Variants in NRXN3 observed in about 807,000 individuals in gnomAD.
The protein encoded by NRXN3 is neurexin 3, also known as neurexin III.
In NRXN3, 32 loss-of-function variants were observed where a neutral mutation model predicts 137.6. The observed-to-expected ratio is 0.23, with a 90% confidence interval of 0.18 to 0.31. NRXN3 has a LOEUF of 0.31. Ranked by LOEUF, NRXN3 falls within the 10% of genes least tolerant of loss-of-function variation. The pLI is 1.00. For synonymous variants in NRXN3, 798 were observed against 784.5 expected (o/e 1.02, Z -0.29); for missense variants, 1,574 against 2,062.5 (o/e 0.76, Z 4.59).
chr14:79,013,052 G>A (rs2099573730), intron 15 of NRXN3, among the ~76,000 whole-genome samples: 1 of 152,164 alleles, frequency 6.6e-6, no homozygotes, highest in South Asian at 2.1e-4. Flanking sequence ...TGGTGTATGT[G>A]TATGTATGAA....
chr14:79,710,226 AACTTATGCAAATTATATCCCTGACC>A (rs1163850691), intron 19 of NRXN3, among the ~76,000 whole-genome samples: 5 of 152,124 alleles, frequency 3.3e-5, no homozygotes, highest in African/African-American at 1.2e-4. Flanking sequence ...AATATGATAT[AACTTATGCAAATTATATCCCTGACC>A]ACTTATGCAA....
chr14:79,781,572 A>G (rs1380674590), intron 19 of NRXN3, among the ~76,000 whole-genome samples: 2 of 152,210 alleles, frequency 1.3e-5, no homozygotes, highest in Non-Finnish European at 2.9e-5. Flanking sequence ...CTACTGTCTT[A>G]TAACATTCTG....
chr14:78,347,523 A>G (rs867908588), intron 4 of NRXN3, among the ~76,000 whole-genome samples: 1 of 152,096 alleles, frequency 6.6e-6, no homozygotes, highest in Non-Finnish European at 1.5e-5. Context: ...TTTCCCCTTC[A>G]TTCCCCTACC....
chr14:78,751,346 T>A (rs2098640911), intron 8 of NRXN3, among the ~76,000 whole-genome samples: 1 of 152,228 alleles, frequency 6.6e-6, no homozygotes, highest in South Asian at 2.1e-4. Context: ...TCTTTATAGC[T>A]AATTAATTAC....
At chr14:78,192,678 G>T (rs1379831138) in intron 1 of NRXN3, among the ~76,000 whole-genome samples, 1 of 152,092 alleles carries the variant, frequency 6.6e-6, no homozygotes, top group African/African-American at 2.4e-5. Context: ...CCTGGGTGTT[G>T]ATGTGAGGAG....
intron 16 of NRXN3, among the ~76,000 whole-genome samples, chr14:79,536,096 T>A (rs541968223): frequency 1.3e-5 from 2 of 152,334 alleles, no homozygotes; most frequent in East Asian, 3.9e-4. Flanking sequence ...TTTTGTGACA[T>A]CTTTCCCCAG....
intron 4 of NRXN3, among the ~76,000 whole-genome samples, chr14:78,579,524 T>G (rs1600775450): frequency 4.2e-5 from 6 of 142,556 alleles, no homozygotes; most frequent in South Asian, 4.5e-4. Flanking sequence ...CACTTGGGAG[T>G]GGTGGTGGTT....
chr14:79,530,598 T>TTG, intron 16 of NRXN3, among the ~76,000 whole-genome samples: 1 of 151,692 alleles, frequency 6.6e-6, no homozygotes, highest in East Asian at 1.9e-4. Context: ...TTTTTGTTTT[T>TTG]TTTTTTTCCT....
chr14:79,113,837 A>G (rs11622542), intron 15 of NRXN3, among the ~76,000 whole-genome samples: 3 of 152,304 alleles, frequency 2.0e-5, no homozygotes, highest in South Asian at 4.1e-4. Flanking sequence ...GTTAAAATAC[A>G]GATTTCTGAA....
intron 10 of NRXN3, among the ~76,000 whole-genome samples, chr14:78,938,661 G>A (rs969940972): frequency 6.6e-6 from 1 of 152,010 alleles, no homozygotes; most frequent in Non-Finnish European, 1.5e-5. Context: ...TAACAGTCAA[G>A]AATGTGGTTC....
chr14:79,161,188 G>A (rs530487516), intron 15 of NRXN3, among the ~76,000 whole-genome samples: 6 of 151,994 alleles, frequency 3.9e-5, no homozygotes, highest in African/African-American at 1.4e-4. Flanking sequence ...TGCCTTGAAG[G>A]TAGGGAAGAA....
intron 16 of NRXN3, among the ~76,000 whole-genome samples, chr14:79,510,399 CAT>C (rs2096921397): frequency 1.3e-5 from 2 of 151,760 alleles, no homozygotes; most frequent in Admixed American, 6.6e-5. Context: ...TAGAGGATGA[CAT>C]AGAAAATTAA....
At chr14:79,340,376 T>G (rs1394150976) in intron 15 of NRXN3, among the ~76,000 whole-genome samples, 6 of 152,216 alleles carry the variant, frequency 3.9e-5, no homozygotes, top group Non-Finnish European at 5.9e-5. Context: ...TGATATATTA[T>G]GAAGATGAAG....
intron 18 of NRXN3, among the ~76,000 whole-genome samples, chr14:79,695,551 G>A (rs2098732418): frequency 1.3e-5 from 2 of 150,888 alleles, no homozygotes; most frequent in South Asian, 4.2e-4. Flanking sequence ...ATGTTAAGCT[G>A]CTTCAAATGC....
intron 19 of NRXN3, among the ~76,000 whole-genome samples, chr14:79,771,090 CTGAATAGA>C (rs2099076468): frequency 6.6e-6 from 1 of 152,160 alleles, no homozygotes; most frequent in Non-Finnish European, 1.5e-5. Context: ...AATTGAGTCT[CTGAATAGA>C]CGAATAAGAG....
At chr14:78,732,942 T>G (rs953274545) in intron 8 of NRXN3, among the ~76,000 whole-genome samples, 20 of 152,140 alleles carry the variant, frequency 1.3e-4, no homozygotes, top group African/African-American at 4.3e-4. Context: ...TTACTGAAAT[T>G]TGCTCAAGTC....
chr14:78,801,434 G>C (rs1567350330), intron 8 of NRXN3, among the ~76,000 whole-genome samples: 1 of 152,220 alleles, frequency 6.6e-6, no homozygotes. Flanking sequence ...CTGATGGAAA[G>C]GGAAGCTGGC....
intron 15 of NRXN3, among the ~76,000 whole-genome samples, chr14:79,360,038 G>C (rs2093629128): frequency 6.6e-6 from 1 of 152,134 alleles, no homozygotes; most frequent in African/African-American, 2.4e-5. Context: ...TAATACAAAT[G>C]TTATCCCATT....
chr14:78,453,963 C>G (rs910654038), intron 4 of NRXN3, among the ~76,000 whole-genome samples: 12 of 152,194 alleles, frequency 7.9e-5, no homozygotes, highest in African/African-American at 2.9e-4. Flanking sequence ...AACTGCGAGA[C>G]AATGAATTTC....
Sources: allele counts gnomAD v4.1 joint callset (sites outside exome capture counted in the v4.1 genomes callset), GRCh38; gene constraint gnomAD v4.1.1; transcripts MANE v1.5; gene names NCBI Gene and HGNC (gene_info 2026-07-23, HGNC 2026-07-21).